INSR: variants seen among roughly 807,000 people sequenced by gnomAD.
INSR encodes insulin receptor.
A neutral mutation model predicts 142.6 loss-of-function variants in INSR; 67 were observed. The observed-to-expected ratio is 0.47, with a 90% CI of 0.39 to 0.58. The LOEUF is 0.58. INSR is among the 20% of genes least tolerant of loss of function. INSR has a pLI of 0.00. For missense variants in INSR, 1,248 were observed against 1,833.2 expected (o/e 0.68, Z 5.83); for synonymous variants, 756 against 743.1 (o/e 1.02, Z -0.28).
chr19:7,239,711 G>T (rs1976280669), intron 2 of INSR, among the ~76,000 whole-genome samples: 1 of 152,122 alleles, frequency 6.6e-6, no homozygotes, highest in Admixed American at 6.6e-5. Context: ...TCCCACTAGG[G>T]GAGCTGGTGA....
At chr19:7,135,003 G>C (rs1043554862) in intron 13 of INSR, among the ~76,000 whole-genome samples, 1 of 144,024 alleles carries the variant, frequency 6.9e-6, no homozygotes, top group Admixed American at 7.3e-5. Flanking sequence ...AAAAGTTTTC[G>C]ACACAGTTCC....
intron 2 of INSR, among the ~76,000 whole-genome samples, chr19:7,197,644 G>A (rs1292410642): frequency 6.8e-6 from 1 of 147,302 alleles, no homozygotes; most frequent in Non-Finnish European, 1.5e-5. Flanking sequence ...AGGTTCCAGA[G>A]TGGGAGTGTG....
chr19:7,263,909 C>T (rs923300865), intron 2 of INSR, among the ~76,000 whole-genome samples: 1 of 152,126 alleles, frequency 6.6e-6, no homozygotes, highest in African/African-American at 2.4e-5. Context: ...GTGGCTCACC[C>T]CTGTAATCCC....
intron 2 of INSR, among the ~76,000 whole-genome samples, chr19:7,200,072 G>A (rs1255981863): frequency 6.6e-6 from 1 of 152,090 alleles, no homozygotes; most frequent in South Asian, 2.1e-4. Flanking sequence ...CAAAGTACAG[G>A]ATGAGAGGAA....
chr19:7,276,000 C>G (rs1478218586), intron 1 of INSR, among the ~76,000 whole-genome samples: 5 of 151,738 alleles, frequency 3.3e-5, no homozygotes, highest in African/African-American at 9.7e-5. Context: ...CCTTTCTTCC[C>G]TGATTTTCTC....
chr19:7,166,106 C>T lies in INSR; in HGVS notation c.1861+48G>A, dbSNP rs777394729. ...CCTCACTGCATCAGCCTATTAAAAG[C>T]AAGAGGTCTGATTCACATACGAATT... is the stretch of plus-strand genomic sequence containing the variant. On this transcript the variant is annotated intron_variant, in intron 8 of 21. Transcript: ENST00000302850. The surrounding 1 kb of genome is among the most constrained non-coding windows in gnomAD (Gnocchi z 4.1). The T allele has an allele frequency of 1.2e-6, 2 of 1,610,322 alleles. No homozygotes were observed. Among genetic ancestry groups the T allele is most frequent in the South Asian group, 2.2e-5 (2 of 90,718 alleles).
chr19:7,237,998 G>A (rs140177662), intron 2 of INSR, among the ~76,000 whole-genome samples: 1 of 152,156 alleles, frequency 6.6e-6, no homozygotes, highest in African/African-American at 2.4e-5. Context: ...AAAGGGAAGG[G>A]GAGGTTTCCC....
At chr19:7,122,842 C>T (rs749909663) in intron 18 of INSR, 37 bp downstream of exon 18, 1 of 1,609,824 alleles carries the variant, frequency 6.2e-7, no homozygotes, top group African/African-American at 1.3e-5. Flanking sequence ...GCGGGTGCTC[C>T]ACCGAGTACC....
At chr19:7,140,950 G>A (rs772370472) in intron 13 of INSR, among the ~76,000 whole-genome samples, 3 of 152,090 alleles carry the variant, frequency 2.0e-5, no homozygotes, top group Non-Finnish European at 2.9e-5. Context: ...TATTTGTCTT[G>A]GATTCTATGT....
At chr19:7,155,418 G>T (rs565862113) in intron 9 of INSR, among the ~76,000 whole-genome samples, 1 of 151,546 alleles carries the variant, frequency 6.6e-6, no homozygotes, top group Non-Finnish European at 1.5e-5. Context: ...CATGCCTGTA[G>T]TCCCAGCTAC....
Position 7,119,314 on chromosome 19 carries a change from C to T in INSR, c.3794+135G>A, listed in dbSNP as rs1486646587. On this transcript the variant is annotated intron_variant, in intron 21 of 21. Coordinates refer to ENST00000302850, the MANE Select transcript of INSR (RefSeq NM_000208.4). The surrounding 1 kb of genome is among the most constrained non-coding windows in gnomAD (Gnocchi z 5.2). ...CATGTAAAGACAAGCTATGCAAACA[C>T]AAACACACCTGTAACATACAGCATG... 9.6e-7 allele frequency: 1 copy of T among 1,039,844 alleles called. No individual in the cohort carries two copies. The highest frequency in any genetic ancestry group is 1.6e-5 in the African/African-American group (1 of 63,994). 64.4% of individuals were successfully genotyped at this position (1,039,844 alleles called of 1,614,324 possible).
At chr19:7,213,171 C>G (rs1047214802) in intron 2 of INSR, among the ~76,000 whole-genome samples, 1 of 151,932 alleles carries the variant, frequency 6.6e-6, no homozygotes, top group Non-Finnish European at 1.5e-5. Flanking sequence ...CGGTGAAACC[C>G]TGTCTCTACT....
chr19:7,174,773 G>A (rs1974098901), intron 3 of INSR, 42 bp from the exon 4 acceptor site: 1 of 1,593,400 alleles, frequency 6.3e-7, no homozygotes, highest in Non-Finnish European at 8.6e-7. Flanking sequence ...AAAGGGGAGG[G>A]GGGTGTCACG....
chr19:7,220,907 G>GGGCT (rs1328476390), intron 2 of INSR, among the ~76,000 whole-genome samples: 1 of 152,104 alleles, frequency 6.6e-6, no homozygotes, highest in Non-Finnish European at 1.5e-5. Context: ...GTGATTAAAA[G>GGGCT]GGCTGTGTCC....
chr19:7,174,831 G>T, intron 3 of INSR, 100 bp from the exon 4 acceptor site: 3 of 1,211,768 alleles, frequency 2.5e-6, no homozygotes, highest in South Asian at 1.4e-5. Flanking sequence ...GCCTGATATG[G>T]TATTTCTTTG....
In INSR at chr19:7,119,705, T is replaced by G. The variant is rs532816509; in HGVS notation, c.3660-122A>C. ...GCAAACACACATGCCAACACATACA[T>G]GCAAACACACACATGCAAACACACA... is the stretch of plus-strand genomic sequence containing the variant. On this transcript the variant is annotated intron_variant, in intron 20 of 21. Transcript: ENST00000302850. The surrounding 1 kb of genome is among the most constrained non-coding windows in gnomAD (Gnocchi z 5.2). 3 of 1,097,564 alleles carry G rather than the reference T, an allele frequency of 2.7e-6. No homozygotes were observed. The highest frequency in any genetic ancestry group is 4.1e-6 in the Non-Finnish European group (3 of 735,944). 68.0% of individuals were successfully genotyped at this position (1,097,564 alleles called of 1,614,324 possible).
intron 11 of INSR, among the ~76,000 whole-genome samples, chr19:7,144,979 A>T (rs1489931446): frequency 6.6e-6 from 1 of 151,602 alleles, no homozygotes; most frequent in East Asian, 1.9e-4. Flanking sequence ...GTTTGTCTAG[A>T]TCTTTAACCC....
At chr19:7,148,939 C>T (rs987186158) in intron 11 of INSR, among the ~76,000 whole-genome samples, 4 of 150,612 alleles carry the variant, frequency 2.7e-5, no homozygotes, top group African/African-American at 4.9e-5. Flanking sequence ...GGACTACAGG[C>T]GTGTGTCACC....
In INSR at chr19:7,268,463, C is replaced by T. The variant is rs555871410; in HGVS notation, c.101-567G>A. On this transcript the variant is annotated intron_variant, in intron 1 of 21. Coordinates refer to ENST00000302850, the MANE Select transcript of INSR (RefSeq NM_000208.4). ...GAGCCCGATCTCCATTGCCCAAATG[C>T]CCTGAGTTCTCATTCTCCTGAAGGC... The T allele has an allele frequency of 2.5e-5, 25 of 985,316 alleles. No homozygotes were observed. In the African/African-American group the frequency reaches 4.4e-4, roughly 17 times the overall value. 61.0% of individuals were successfully genotyped at this position (985,316 alleles called of 1,614,324 possible). A position where few individuals can be genotyped will look rare whatever the true frequency, so the allele number is the denominator to read the frequency against.
Sources: gnomAD v4.1 joint callset for allele counts (sites outside exome capture counted in the v4.1 genomes callset) on GRCh38, gnomAD v4.1.1 for gene constraint, Gnocchi (gnomAD v3.1) non-coding constraint, MANE v1.5 for transcripts, NCBI Gene and HGNC (gene_info 2026-07-23, HGNC 2026-07-21) for gene names.